The following ERBB4 variants were observed in gnomAD, a reference collection of about 807,000 sequenced individuals.
ERBB4 encodes erb-b2 receptor tyrosine kinase 4.
In ERBB4, 42 loss-of-function variants were observed where a neutral mutation model predicts 158.0. That is an observed-to-expected ratio of 0.27 (90% CI 0.21 to 0.34). The LOEUF is 0.34. ERBB4 is among the 10% of genes least tolerant of loss of function. The pLI, the probability that ERBB4 is intolerant of heterozygous loss-of-function variation, is 1.00. For synonymous variants in ERBB4, 583 were observed against 558.7 expected, an observed-to-expected ratio of 1.04 and a Z score of -0.61; for missense variants, 1,333 against 1,624.1, an observed-to-expected ratio of 0.82 and a Z score of 3.08.
chr2:212,083,261 A>AT (rs2078499115), intron 2 of ERBB4, among the ~76,000 whole-genome samples: 1 of 152,008 alleles, frequency 6.6e-6, no homozygotes. Context: ...TCAGTGTTTC[A>AT]TAAAATCTGT....
chr2:211,932,444 T>A (rs2080203616), intron 3 of ERBB4, among the ~76,000 whole-genome samples: 1 of 152,056 alleles, frequency 6.6e-6, no homozygotes, highest in East Asian at 1.9e-4. Flanking sequence ...GATTGTCAAC[T>A]GTTTGCCCTT....
intron 3 of ERBB4, among the ~76,000 whole-genome samples, chr2:211,927,020 G>C (rs2080037085): frequency 6.6e-6 from 1 of 152,128 alleles, no homozygotes; most frequent in Non-Finnish European, 1.5e-5. Flanking sequence ...AATTTCATAA[G>C]CCAAACATGA....
intron 2 of ERBB4, among the ~76,000 whole-genome samples, chr2:212,053,194 A>G (rs2077451395): frequency 6.6e-6 from 1 of 152,058 alleles, no homozygotes; most frequent in Non-Finnish European, 1.5e-5. Context: ...CAATCGATCA[A>G]AATAAAATGG....
chr2:212,373,839 C>T (rs2090184309), intron 1 of ERBB4, among the ~76,000 whole-genome samples: 1 of 76,564 alleles, frequency 1.3e-5, no homozygotes, highest in Admixed American at 1.2e-4. Flanking sequence ...ATATATATAT[C>T]CATGTATATA....
chr2:211,898,224 G>T (rs1421333288), intron 3 of ERBB4, among the ~76,000 whole-genome samples: 1 of 151,906 alleles, frequency 6.6e-6, no homozygotes, highest in Non-Finnish European at 1.5e-5. Context: ...ATGTGATACT[G>T]CCAATTCTCT....
chr2:211,758,114 A>G (rs1425708067), intron 4 of ERBB4, among the ~76,000 whole-genome samples: 1 of 152,256 alleles, frequency 6.6e-6, no homozygotes, highest in African/African-American at 2.4e-5. Context: ...ATGTGATTGT[A>G]AGAAGGACTA....
chr2:212,290,033 A>G (rs935663667), intron 1 of ERBB4, among the ~76,000 whole-genome samples: 29 of 152,130 alleles, frequency 1.9e-4, no homozygotes, highest in African/African-American at 6.5e-4. Flanking sequence ...AGAGCCAATA[A>G]TTTATATAGT....
chr2:211,704,557 A>G (rs771318547), intron 10 of ERBB4, among the ~76,000 whole-genome samples: 9 of 152,210 alleles, frequency 5.9e-5, no homozygotes, highest in Non-Finnish European at 1.3e-4. Flanking sequence ...ATTTATATAC[A>G]TATCTAGCCT....
intron 20 of ERBB4, among the ~76,000 whole-genome samples, chr2:211,524,585 GGGGACCCA>G (rs1175978933): frequency 6.6e-6 from 1 of 152,122 alleles, no homozygotes; most frequent in Non-Finnish European, 1.5e-5. Flanking sequence ...GGCACTGCTG[GGGGACCCA>G]GTACACCCTC....
chr2:212,177,018 T>C (rs2081686216), intron 1 of ERBB4, among the ~76,000 whole-genome samples: 1 of 151,442 alleles, frequency 6.6e-6, no homozygotes, highest in Non-Finnish European at 1.5e-5. Flanking sequence ...AATTTCAGTA[T>C]TACTTTATGA....
intron 20 of ERBB4, among the ~76,000 whole-genome samples, chr2:211,441,080 G>A (rs1203147955): frequency 6.6e-6 from 1 of 152,126 alleles, no homozygotes; most frequent in Non-Finnish European, 1.5e-5. Flanking sequence ...AAAATCCTCA[G>A]AAGGATTTGT....
At chr2:211,945,811 A>C (rs917674969) in intron 3 of ERBB4, among the ~76,000 whole-genome samples, 13 of 152,084 alleles carry the variant, frequency 8.5e-5, no homozygotes, top group African/African-American at 3.1e-4. Flanking sequence ...TCTATGTGGA[A>C]AGATTTCTCA....
At chr2:211,707,450 A>G (rs1462372779) in intron 9 of ERBB4, among the ~76,000 whole-genome samples, 1 of 152,202 alleles carries the variant, frequency 6.6e-6, no homozygotes, top group Admixed American at 6.6e-5. Context: ...AAAGCTCAGG[A>G]AAAAGAGAGA....
chr2:212,523,502 A>G (rs2106321633), intron 1 of ERBB4, among the ~76,000 whole-genome samples: 1 of 152,128 alleles, frequency 6.6e-6, no homozygotes, highest in Middle Eastern at 3.4e-3. Flanking sequence ...AATATAATGG[A>G]TCAGAAGTGT....
At chr2:212,139,545 TTGA>T (rs1295075999) in intron 1 of ERBB4, among the ~76,000 whole-genome samples, 2 of 152,076 alleles carry the variant, frequency 1.3e-5, no homozygotes, top group South Asian at 2.1e-4. Flanking sequence ...TAGAGAATAA[TTGA>T]TGATTTTTTT....
At chr2:212,419,387 A>T (rs940682413) in intron 1 of ERBB4, among the ~76,000 whole-genome samples, 1 of 151,890 alleles carries the variant, frequency 6.6e-6, no homozygotes, top group Admixed American at 6.6e-5. Context: ...TTGTGTATGT[A>T]TGTGGGTTCC....
rs558979033 is a variant in ERBB4 at position 212,176,833 on chromosome 2, G to A, written c.83-51930C>T. 2.3e-4 allele frequency among the ~76,000 whole-genome samples: 35 copies of A among 151,958 alleles called. 1 individual carries two copies. The highest frequency in any genetic ancestry group is 3.4e-3 in the Middle Eastern group (1 of 290). ...CTTCGACCAAACTACAGGCTCCATGGAAGTAAGAACTCCATCTGCTTTGCT... is the reference window on the plus strand; with the variant it reads ...CTTCGACCAAACTACAGGCTCCATGAAAGTAAGAACTCCATCTGCTTTGCT... On this transcript the variant is annotated intron_variant, in intron 1 of 27. Transcript: ENST00000342788.
intron 12 of ERBB4, among the ~76,000 whole-genome samples, chr2:211,681,228 A>C (rs187201077): frequency 1.4e-4 from 22 of 152,152 alleles, no homozygotes; most frequent in Admixed American, 4.6e-4. Flanking sequence ...TATTGTATGG[A>C]TATATGAAAT....
At chr2:211,994,753 C>T (rs763318794) in intron 2 of ERBB4, among the ~76,000 whole-genome samples, 5 of 151,968 alleles carry the variant, frequency 3.3e-5, no homozygotes, top group African/African-American at 4.8e-5. Flanking sequence ...AAGAAGGAGC[C>T]GTAGATATCA....
Sources: allele counts gnomAD v4.1 joint callset (sites outside exome capture counted in the v4.1 genomes callset), GRCh38; gene constraint gnomAD v4.1.1; transcripts MANE v1.5; gene names NCBI Gene and HGNC (gene_info 2026-07-23, HGNC 2026-07-21).